Variants in HMBOX1 observed in about 807,000 individuals in gnomAD.
HMBOX1 encodes the protein homeobox-containing protein 1.
In HMBOX1, 14 loss-of-function variants were observed where a neutral mutation model predicts 54.5. The observed-to-expected ratio is 0.26, with a 90% CI of 0.17 to 0.40. The LOEUF (loss-of-function observed/expected upper bound fraction) is 0.40. Ranked by LOEUF, HMBOX1 falls within the 10% of genes least tolerant of loss-of-function variation. The pLI is 1.00. For synonymous variants in HMBOX1, 160 were observed against 181.0 expected, an observed-to-expected ratio of 0.88 and a Z score of 0.93; for missense variants, 332 against 514.4, an observed-to-expected ratio of 0.65 and a Z score of 3.43.
chr8:29,026,700 G>A (rs1257335461), intron 6 of HMBOX1, among the ~76,000 whole-genome samples: 1 of 152,164 alleles, frequency 6.6e-6, no homozygotes, highest in Non-Finnish European at 1.5e-5. Flanking sequence ...GCTAACAAGT[G>A]TCCCAGTCAC....
At chr8:28,925,782 T>C (rs1283158862) in intron 1 of HMBOX1, among the ~76,000 whole-genome samples, 1 of 152,118 alleles carries the variant, frequency 6.6e-6, no homozygotes, top group Admixed American at 6.5e-5. Flanking sequence ...GGCTTTTTTA[T>C]ATTTTAAAAA....
intron 6 of HMBOX1, among the ~76,000 whole-genome samples, chr8:29,023,257 G>C (rs1299069514): frequency 6.6e-6 from 1 of 152,082 alleles, no homozygotes. Context: ...CTGTATGTTT[G>C]CATAGAGATA....
At chr8:29,027,497 C>A (rs150531072) in intron 6 of HMBOX1, among the ~76,000 whole-genome samples, 1 of 152,260 alleles carries the variant, frequency 6.6e-6, no homozygotes, top group East Asian at 1.9e-4. Context: ...AGGTGTGTCT[C>A]TGGAGCATTA....
intron 4 of HMBOX1, among the ~76,000 whole-genome samples, chr8:28,992,576 A>G (rs550753034): frequency 4.6e-5 from 7 of 152,108 alleles, no homozygotes; most frequent in African/African-American, 1.7e-4. Flanking sequence ...CCTTTGGAAG[A>G]GTATACAATG....
intron 6 of HMBOX1, among the ~76,000 whole-genome samples, chr8:29,025,302 C>T (rs1047620828): frequency 2.0e-5 from 3 of 152,180 alleles, no homozygotes; most frequent in African/African-American, 7.2e-5. Flanking sequence ...AATGCTTTCA[C>T]TTTGGGCAAA....
chr8:28,897,378 G>C (rs966048414), intron 1 of HMBOX1, among the ~76,000 whole-genome samples: 1 of 151,868 alleles, frequency 6.6e-6, no homozygotes, highest in Non-Finnish European at 1.5e-5. Context: ...CAAATAAAAT[G>C]TGTAAGATTT....
At chr8:28,982,271 G>A (rs1318996494) in intron 4 of HMBOX1, among the ~76,000 whole-genome samples, 1 of 152,098 alleles carries the variant, frequency 6.6e-6, no homozygotes, top group East Asian at 1.9e-4. Flanking sequence ...TGCTCTAAAT[G>A]TGCTGAAACA....
intron 7 of HMBOX1, among the ~76,000 whole-genome samples, chr8:29,046,745 C>T (rs1344947762): frequency 6.6e-6 from 1 of 152,158 alleles, no homozygotes; most frequent in Non-Finnish European, 1.5e-5. Context: ...TTTTGGGAGG[C>T]CAAGGTGGGC....
At chr8:28,991,390 T>A (rs1830962713) in intron 4 of HMBOX1, among the ~76,000 whole-genome samples, 1 of 152,218 alleles carries the variant, frequency 6.6e-6, no homozygotes, top group Non-Finnish European at 1.5e-5. Flanking sequence ...TTGTGATGCC[T>A]GAGTAAAGAA....
chr8:28,997,732 G>A (rs1264457617), intron 4 of HMBOX1, among the ~76,000 whole-genome samples: 1 of 152,022 alleles, frequency 6.6e-6, no homozygotes, highest in African/African-American at 2.4e-5. Context: ...ATTTTATTTT[G>A]CAGAGATGGT....
intron 1 of HMBOX1, among the ~76,000 whole-genome samples, chr8:28,926,017 G>A (rs960419388): frequency 6.6e-6 from 1 of 151,852 alleles, no homozygotes; most frequent in South Asian, 2.1e-4. Context: ...AATGAACCTG[G>A]GCCAGGTGCG....
At chr8:28,955,376 A>T (rs1824228984) in intron 1 of HMBOX1, among the ~76,000 whole-genome samples, 1 of 152,100 alleles carries the variant, frequency 6.6e-6, no homozygotes, top group African/African-American at 2.4e-5. Flanking sequence ...ATGCTCTTGT[A>T]CATAGAGATG....
At chr8:28,976,897 C>G (rs1288863709) in intron 3 of HMBOX1, among the ~76,000 whole-genome samples, 7 of 151,870 alleles carry the variant, frequency 4.6e-5, no homozygotes, top group East Asian at 3.9e-4. Context: ...TTGGTAGAGA[C>G]GAGGTCTCAT....
chr8:29,011,966 C>G (rs776345984), intron 5 of HMBOX1, among the ~76,000 whole-genome samples: 4 of 152,112 alleles, frequency 2.6e-5, no homozygotes, highest in Non-Finnish European at 5.9e-5. Flanking sequence ...AAAGTACTTT[C>G]TATTTTTTGT....
chr8:28,973,434 C>G (rs1827782764), intron 3 of HMBOX1, among the ~76,000 whole-genome samples: 1 of 152,174 alleles, frequency 6.6e-6, no homozygotes, highest in African/African-American at 2.4e-5. Context: ...CCTTAATGGG[C>G]TTCACATCCC....
At chr8:29,011,560 C>T (rs1451447370) in intron 5 of HMBOX1, among the ~76,000 whole-genome samples, 1 of 152,156 alleles carries the variant, frequency 6.6e-6, no homozygotes, top group Non-Finnish European at 1.5e-5. Flanking sequence ...GGGCTGGGCT[C>T]TAGTCCAGCC....
chr8:28,968,549 C>G (rs935157671), intron 2 of HMBOX1, among the ~76,000 whole-genome samples: 2 of 152,300 alleles, frequency 1.3e-5, no homozygotes, highest in Middle Eastern at 3.4e-3. Context: ...GAATAAAGAA[C>G]ATCTACCATG....
rs1157813748 is a variant in HMBOX1, at chr8:29,051,624, A to T, written c.*469A>T. 8.5e-6 allele frequency: 6 copies of T among 702,948 alleles called. No homozygotes were observed. The East Asian group carries it at 1.6e-4, about 19-fold the overall frequency. 43.5% of individuals were successfully genotyped at this position (702,948 alleles called of 1,614,324 possible). A position where few individuals can be genotyped will look rare whatever the true frequency, so the allele number is the denominator to read the frequency against. ...CATTTGGGGAGTATCCACAGAGTCA[A>T]AGGAACACTAGAATCCCCACCTCAG... is the stretch of plus-strand genomic sequence containing the variant. On this transcript the variant is annotated 3_prime_UTR_variant, in exon 10 of 10. Transcript: ENST00000287701.
At chr8:29,042,455 G>C (rs1475621108) in intron 6 of HMBOX1, among the ~76,000 whole-genome samples, 5 of 152,340 alleles carry the variant, frequency 3.3e-5, no homozygotes, top group African/African-American at 1.2e-4. Flanking sequence ...ACAGTGGTCA[G>C]TTTGAGGGCT....
Sources: gnomAD v4.1 joint callset for allele counts (sites outside exome capture counted in the v4.1 genomes callset) on GRCh38, gnomAD v4.1.1 for gene constraint, MANE v1.5 for transcripts, NCBI Gene and HGNC (gene_info 2026-07-23, HGNC 2026-07-21) for gene names.